The following ZNF592 variants were observed in gnomAD, a reference collection of about 807,000 sequenced individuals.
The protein encoded by ZNF592 is zinc finger protein 592.
In ZNF592, 11 loss-of-function variants were observed where a neutral mutation model predicts 80.3. The observed-to-expected ratio is 0.14, with a 90% confidence interval of 0.09 to 0.23. The LOEUF (loss-of-function observed/expected upper bound fraction) is 0.23. Ranked by LOEUF, ZNF592 falls within the 10% of genes least tolerant of loss-of-function variation. The probability of loss-of-function intolerance (pLI) is 1.00; values close to 1 mark genes in which losing one functional copy is unlikely to be tolerated. For synonymous variants in ZNF592, 646 were observed against 640.3 expected (o/e 1.01, Z -0.13); for missense variants, 1,420 against 1,633.9 (o/e 0.87, Z 2.26).
chr15:84,784,833 A>G lies in ZNF592; in HGVS notation c.2158A>G (p.Met720Val), dbSNP rs780929100. ...SIKCLECHKQ[M>V]RDYMVLAAHF... is the part of the protein sequence containing the mutation. Reference sequence around the variant, plus strand: ...CAAGTGTCTTGAATGTCACAAGCAGATGCGGGACTACATGGTCCTGGCTGC... The same window carrying G: ...CAAGTGTCTTGAATGTCACAAGCAGGTGCGGGACTACATGGTCCTGGCTGC... Residue 720 changes from methionine to valine, a missense_variant, in exon 4 of 11, where the codon ATG becomes GTG. Physicochemically the swap from Met to Val is conservative, Grantham distance 21 (BLOSUM62 1). Around this residue, in one of 7 missense-constraint regions of ZNF592, gnomAD observed 524 missense variants for 628.3 expected, o/e 0.83. Coordinates refer to ENST00000560079, the MANE Select transcript of ZNF592 (RefSeq NM_014630.3). The surrounding 1 kb of genome is among the most constrained non-coding windows in gnomAD (Gnocchi z 5.8). 1.9e-6 allele frequency: 3 copies of G among 1,614,100 alleles called. No homozygotes were observed. Among genetic ancestry groups the G allele is most frequent in the Non-Finnish European group, 2.5e-6 (3 of 1,180,022 alleles).
rs1422725950 is a variant in ZNF592, at chr15:84,796,267, T to A, written c.2400-1602T>A. ...ATATATATATATATATATATATATT[T>A]TATATATATATATATATATATATAT... On this transcript the variant is annotated intron_variant, in intron 5 of 10. Coordinates refer to ENST00000560079, the MANE Select transcript of ZNF592 (RefSeq NM_014630.3). 5.9e-3 allele frequency among the ~76,000 whole-genome samples: 259 copies of A among 44,016 alleles called. 3 individuals carry two copies. Among genetic ancestry groups the A allele is most frequent in the African/African-American group, 0.017 (113 of 6,518 alleles). The allele number at this position is 44,016 out of a possible 152,430, so 28.9% of individuals were successfully genotyped here.
intron 1 of ZNF592, among the ~76,000 whole-genome samples, chr15:84,757,244 C>T (rs576701161): frequency 6.6e-6 from 1 of 152,254 alleles, no homozygotes; most frequent in South Asian, 2.1e-4. Context: ...GCATGAGCCA[C>T]AGCATCTGGC....
chr15:84,785,468 C>T (rs895843615), intron 4 of ZNF592, among the ~76,000 whole-genome samples: 3 of 152,150 alleles, frequency 2.0e-5, no homozygotes, highest in African/African-American at 4.8e-5. Context: ...TGTGCCACCA[C>T]GCCTAGCTAA....
At chr15:84,763,502 C>G (rs1899411229) in intron 1 of ZNF592, among the ~76,000 whole-genome samples, 1 of 152,090 alleles carries the variant, frequency 6.6e-6, no homozygotes, top group Non-Finnish European at 1.5e-5. Flanking sequence ...ACCCCTTGGC[C>G]CCTGATCTCT....
intron 1 of ZNF592, among the ~76,000 whole-genome samples, chr15:84,762,669 T>C (rs978067862): frequency 1.3e-5 from 2 of 152,028 alleles, no homozygotes; most frequent in Admixed American, 1.3e-4. Flanking sequence ...ATTTGAAGGG[T>C]AACTGTGAGT....
chr15:84,773,742 G>GA (rs61113995), intron 2 of ZNF592, among the ~76,000 whole-genome samples: 9,021 of 144,424 alleles, frequency 0.062, 320 homozygotes, highest in African/African-American at 0.077. Context: ...CATCTCTCCA[G>GA]AAAAAAAAAA....
intron 5 of ZNF592, among the ~76,000 whole-genome samples, chr15:84,791,547 TA>T (rs1256776024): frequency 6.6e-6 from 1 of 152,184 alleles, no homozygotes; most frequent in Non-Finnish European, 1.5e-5. Flanking sequence ...TCTTTGGCAT[TA>T]AATTTTTTTT....
At position 84,805,204 on chromosome 15, in the gene ZNF592, A is replaced by G. The variant is rs1206073066; in HGVS notation, c.*2811A>G. On this transcript the variant is annotated 3_prime_UTR_variant, in exon 11 of 11. Transcript: ENST00000560079. ...AAACGTGGTATCTCTACAACCTTTC[A>G]TTCTCATTGGGATTTACCTTGCCAT... The G allele has an allele frequency of 6.6e-6, 1 of 152,202 alleles. No homozygotes were observed. The highest frequency in any genetic ancestry group is 1.9e-4 in the East Asian group (1 of 5,196). 9.4% of individuals were successfully genotyped at this position (152,202 alleles called of 1,614,324 possible).
chr15:84,783,550 A>G lies in ZNF592; in HGVS notation c.875A>G (p.Gln292Arg). 1 of 1,614,212 alleles carries G rather than the reference A, an allele frequency of 6.2e-7. No homozygotes were observed. Among genetic ancestry groups the G allele is most frequent in the South Asian group, 1.1e-5 (1 of 91,086 alleles). ...TGTGTGGCAGCCTTGGTGGCCTTGC[A>G]GGCCAAAAGAGTGGCTAGTGTCACT... The part of the protein sequence containing the change: ...SSCVAALVAL[Q>R]AKRVASVTKE... Residue 292 changes from glutamine to arginine, a missense_variant, in exon 4 of 11, where the codon CAG (glutamine) becomes CGG (arginine). By Grantham distance (43) the Gln-to-Arg change is conservative (BLOSUM62 1). Coordinates refer to ENST00000560079, the MANE Select transcript of ZNF592 (RefSeq NM_014630.3). This position sits in a 1 kb window ranked among gnomAD's most constrained non-coding sequence, Gnocchi z 5.0.
chr15:84,798,272 A>T lies in ZNF592; in HGVS notation c.2577-43A>T, dbSNP rs936716592. On this transcript the variant is annotated intron_variant, in intron 6 of 10. Coordinates refer to ENST00000560079, the MANE Select transcript of ZNF592 (RefSeq NM_014630.3). This position sits in a 1 kb window ranked among gnomAD's most constrained non-coding sequence, Gnocchi z 4.5. The stretch of plus-strand genomic sequence containing the variant: ...GAGCAGAGATGGGTGGAGGGGCTGC[A>T]TGGTGCCTTGGCCACCTCACCCCCT... 6.2e-7 allele frequency: 1 copy of T among 1,613,302 alleles called. No individual in the cohort carries two copies. The highest frequency in any genetic ancestry group is 8.5e-7 in the Non-Finnish European group (1 of 1,179,740).
chr15:84,797,406 G>GGTC (rs1962948861), intron 5 of ZNF592, among the ~76,000 whole-genome samples: 1 of 152,146 alleles, frequency 6.6e-6, no homozygotes, highest in Non-Finnish European at 1.5e-5. Flanking sequence ...TTTGTTAAGT[G>GGTC]GTCATCCCTA....
At chr15:84,790,558 G>A (rs1300261358) in intron 4 of ZNF592, 147 bp from the exon 5 acceptor site, 20 of 810,188 alleles carry the variant, frequency 2.5e-5, no homozygotes, top group Non-Finnish European at 3.7e-5. Flanking sequence ...GTCTAGGGGT[G>A]TCAGAAGTGT....
chr15:84,766,948 T>G (rs1899545543), intron 2 of ZNF592, among the ~76,000 whole-genome samples: 3 of 152,082 alleles, frequency 2.0e-5, no homozygotes, highest in African/African-American at 7.2e-5. Context: ...GGTGGCACCC[T>G]CAAAACCACC....
chr15:84,788,879 C>T (rs1156781937), intron 4 of ZNF592, among the ~76,000 whole-genome samples: 5 of 152,048 alleles, frequency 3.3e-5, no homozygotes, highest in Admixed American at 6.6e-5. Context: ...TTTAGCATGT[C>T]CTCAAGATTC....
chr15:84,768,819 G>C (rs1017200386), intron 2 of ZNF592, among the ~76,000 whole-genome samples: 15 of 152,204 alleles, frequency 9.9e-5, no homozygotes, highest in African/African-American at 3.1e-4. Flanking sequence ...ATTTTAAAAA[G>C]TGAAACAAAA....
chr15:84,752,065 G>A (rs1899030863), intron 1 of ZNF592, among the ~76,000 whole-genome samples: 1 of 152,104 alleles, frequency 6.6e-6, no homozygotes. Context: ...CAGGCCTTTG[G>A]TTTTATTATT....
chr15:84,792,854 C>T (rs374524510), intron 5 of ZNF592, among the ~76,000 whole-genome samples: 2 of 152,310 alleles, frequency 1.3e-5, no homozygotes, highest in African/African-American at 4.8e-5. Flanking sequence ...CAGGATTATA[C>T]AAAGCACTTA....
At chr15:84,749,172 C>G (rs901509122) in intron 1 of ZNF592, among the ~76,000 whole-genome samples, 4 of 152,248 alleles carry the variant, frequency 2.6e-5, no homozygotes, top group South Asian at 2.1e-4. Context: ...AGTTCTGACC[C>G]TGAGGAAGGT....
In ZNF592 at chr15:84,804,408, T is replaced by C. The variant is rs935351205; in HGVS notation, c.*2015T>C. On this transcript the variant is annotated 3_prime_UTR_variant, in exon 11 of 11. Transcript: ENST00000560079. The stretch of plus-strand genomic sequence containing the variant: ...TGGAGAGCAGGCAGAGATGGTAGAA[T>C]TGCAGGTTTGACCACCTGTCGTGAC... 1 of 152,220 alleles carries C rather than the reference T, an allele frequency of 6.6e-6. No homozygotes were observed. The highest frequency in any genetic ancestry group is 1.5e-5 in the Non-Finnish European group (1 of 68,038). 9.4% of individuals were successfully genotyped at this position (152,220 alleles called of 1,614,324 possible). A position where few individuals can be genotyped will look rare whatever the true frequency, so the allele number is the denominator to read the frequency against.
Sources: gnomAD v4.1 joint callset for allele counts (sites outside exome capture counted in the v4.1 genomes callset) on GRCh38, gnomAD v4.1.1 for gene constraint, gnomAD v4.1.1 regional missense constraint, Gnocchi (gnomAD v3.1) non-coding constraint, MANE v1.5 for transcripts, NCBI Gene and HGNC (gene_info 2026-07-23, HGNC 2026-07-21) for gene names.